The following FCHSD2 variants were observed in gnomAD, a reference collection of about 807,000 sequenced individuals.
The protein encoded by FCHSD2 is FCH and double SH3 domains 2.
FCHSD2 carries 38 observed loss-of-function variants against 108.1 expected under a neutral mutation model. The ratio of observed to expected loss-of-function variants is 0.35; its 90% CI spans 0.27 to 0.46. FCHSD2 has a LOEUF of 0.46. Ranked by LOEUF, FCHSD2 falls within the 20% of genes least tolerant of loss-of-function variation. The probability of loss-of-function intolerance (pLI) is 1.00; values close to 1 mark genes in which losing one functional copy is unlikely to be tolerated. For missense variants in FCHSD2, 751 were observed against 897.8 expected, an observed-to-expected ratio of 0.84 and a Z score of 2.09; for synonymous variants, 279 against 314.7, an observed-to-expected ratio of 0.89 and a Z score of 1.20.
In FCHSD2 at chr11:73,044,708, T is replaced by C. The variant is rs544069295; in HGVS notation, c.166-28823A>G. On this transcript the variant is annotated intron_variant, in intron 3 of 19. Transcript: ENST00000409418. ...TTAGGCAAATGCTGGGTAAATACTATATAGAAAACAGTGCACATAGTACAT... is the reference window on the plus strand; with the variant it reads ...TTAGGCAAATGCTGGGTAAATACTACATAGAAAACAGTGCACATAGTACAT... Among the ~76,000 whole-genome samples the C allele has an allele frequency of 2.6e-5, 4 of 152,272 alleles. No individual in the cohort carries two copies. The East Asian group carries it at 5.8e-4, about 22-fold the overall frequency.
intron 8 of FCHSD2, among the ~76,000 whole-genome samples, chr11:72,956,934 A>G (rs925167463): frequency 2.0e-5 from 3 of 152,040 alleles, no homozygotes; most frequent in African/African-American, 7.2e-5. Context: ...TGTGATACAT[A>G]GAGAAGACAC....
Position 72,989,018 on chromosome 11 carries a change from A to T in FCHSD2, c.467T>A (p.Phe156Tyr). 6.2e-7 allele frequency: 1 copy of T among 1,612,096 alleles called. No individual in the cohort carries two copies. The highest frequency in any genetic ancestry group is 8.5e-7 in the Non-Finnish European group (1 of 1,178,870). The change falls in exon 6 of 20, where the codon TTT becomes TAT. Residue 156 changes from phenylalanine (F) to tyrosine (Y), a missense_variant. By Grantham distance (22) the Phe-to-Tyr change is conservative. Transcript: ENST00000409418. ...TGCATGAGCCATCTGTTCAGTCTCA[A>T]AGTATTTCTTTTTGCCTTTAGCTAA... The part of the protein sequence containing the change: ...KDLAKGKKKY[F>Y]ETEQMAHAVR...
intron 8 of FCHSD2, among the ~76,000 whole-genome samples, chr11:72,981,974 C>T (rs1040403278): frequency 1.3e-5 from 2 of 152,086 alleles, no homozygotes; most frequent in Admixed American, 1.3e-4. Flanking sequence ...AGAGCGAGAC[C>T]CTGTCTCAAA....
At chr11:72,861,780 A>C (rs1448869981) in intron 13 of FCHSD2, among the ~76,000 whole-genome samples, 2 of 152,050 alleles carry the variant, frequency 1.3e-5, no homozygotes, top group Non-Finnish European at 2.9e-5. Flanking sequence ...AAAAATATAA[A>C]ATTAGCCAGG....
At chr11:73,033,821 G>C (rs1858423851) in intron 3 of FCHSD2, among the ~76,000 whole-genome samples, 1 of 152,076 alleles carries the variant, frequency 6.6e-6, no homozygotes, top group Non-Finnish European at 1.5e-5. Flanking sequence ...AGGTTAAGTA[G>C]GTTTTTTCCC....
intron 4 of FCHSD2, among the ~76,000 whole-genome samples, chr11:73,003,074 A>G (rs949256464): frequency 6.6e-6 from 1 of 152,226 alleles, no homozygotes; most frequent in Non-Finnish European, 1.5e-5. Context: ...TTAAAAAGAT[A>G]GTTTAAAAAG....
intron 3 of FCHSD2, among the ~76,000 whole-genome samples, chr11:73,025,023 C>T (rs371394729): frequency 4.6e-5 from 7 of 152,108 alleles, no homozygotes; most frequent in South Asian, 2.1e-4. Context: ...AGAAAAAGAA[C>T]GCTTATACAC....
At chr11:73,024,795 G>GA (rs1187796071) in intron 3 of FCHSD2, among the ~76,000 whole-genome samples, 1 of 151,572 alleles carries the variant, frequency 6.6e-6, no homozygotes, top group African/African-American at 2.4e-5. Flanking sequence ...AGTTTACAGG[G>GA]AAAAAAACAA....
At chr11:73,062,655 T>C (rs187708399) in intron 3 of FCHSD2, among the ~76,000 whole-genome samples, 7 of 152,088 alleles carry the variant, frequency 4.6e-5, no homozygotes, top group South Asian at 2.1e-4. Context: ...ACCGTTTCAA[T>C]AGCCAAATCG....
intron 8 of FCHSD2, among the ~76,000 whole-genome samples, chr11:72,959,853 GGTGTGTGTGTGTGTGT>G: frequency 6.9e-6 from 1 of 145,896 alleles, no homozygotes; most frequent in African/African-American, 2.5e-5. Context: ...AAGTTTCTAG[GGTGTGTGTGTGTGTGT>G]GTGTGTGTGT....
chr11:73,120,198 T>C (rs929664561), intron 2 of FCHSD2, among the ~76,000 whole-genome samples: 3 of 152,064 alleles, frequency 2.0e-5, no homozygotes, highest in African/African-American at 7.2e-5. Flanking sequence ...AGGATGAGAT[T>C]TGGGTGGGGA....
At chr11:73,100,764 C>A (rs754794385) in intron 2 of FCHSD2, among the ~76,000 whole-genome samples, 1 of 152,012 alleles carries the variant, frequency 6.6e-6, no homozygotes, top group Non-Finnish European at 1.5e-5. Context: ...TGTTGAAATT[C>A]GAATCTATTG....
chr11:73,054,629 G>A (rs1858979892), intron 3 of FCHSD2, among the ~76,000 whole-genome samples: 1 of 151,278 alleles, frequency 6.6e-6, no homozygotes, highest in Non-Finnish European at 1.5e-5. Flanking sequence ...TGGAGGTGGG[G>A]GAAACAAACA....
chr11:72,980,465 T>C (rs1035332312), intron 8 of FCHSD2, among the ~76,000 whole-genome samples: 7 of 152,090 alleles, frequency 4.6e-5, no homozygotes, highest in Non-Finnish European at 1.0e-4. Context: ...AGTTAGAGTA[T>C]TATTTAAATA....
chr11:72,870,229 T>C (rs983436151), intron 12 of FCHSD2, among the ~76,000 whole-genome samples: 1 of 152,198 alleles, frequency 6.6e-6, no homozygotes, highest in Admixed American at 6.5e-5. Flanking sequence ...CCTTTTTCTC[T>C]GCTCCTAAAG....
At chr11:72,885,878 T>C (rs1197722379) in intron 12 of FCHSD2, among the ~76,000 whole-genome samples, 1 of 152,178 alleles carries the variant, frequency 6.6e-6, no homozygotes, top group African/African-American at 2.4e-5. Flanking sequence ...CTCCTCACTA[T>C]GGTGGCTGTC....
rs1018275033 is a variant in FCHSD2 at position 73,009,390 on chromosome 11, G to A, written c.242+6419C>T. Among the ~76,000 whole-genome samples the A allele has an allele frequency of 4.6e-5, 7 of 152,030 alleles. No homozygotes were observed. In the South Asian group the frequency reaches 8.3e-4, roughly 18 times the overall value. ...CGTACACCTGTAATCCCAGTTGCTCGGGAGGCTGAGGCATGAGAATCACTT... is the reference window on the plus strand; with the variant it reads ...CGTACACCTGTAATCCCAGTTGCTCAGGAGGCTGAGGCATGAGAATCACTT... On this transcript the variant is annotated intron_variant, in intron 4 of 19. Coordinates refer to ENST00000409418, the MANE Select transcript of FCHSD2 (RefSeq NM_014824.3).
At position 72,922,691 on chromosome 11, in the gene FCHSD2, T is replaced by C. The variant is rs1198761816; in HGVS notation, c.706-741A>G. Among the ~76,000 whole-genome samples, 8 of 152,176 alleles carry C rather than the reference T, an allele frequency of 5.3e-5. No individual in the cohort carries two copies. The East Asian group carries it at 1.2e-3, about 22-fold the overall frequency. On this transcript the variant is annotated intron_variant, in intron 8 of 19. Coordinates refer to ENST00000409418, the MANE Select transcript of FCHSD2 (RefSeq NM_014824.3). ...AAAAACAGAATATACATATGACATA[T>C]ACACTAGCAATAACTATGGAAAAAT...
chr11:72,928,972 G>A (rs1856134482), intron 8 of FCHSD2, among the ~76,000 whole-genome samples: 1 of 151,958 alleles, frequency 6.6e-6, no homozygotes, highest in Admixed American at 6.6e-5. Flanking sequence ...AACATGCGGT[G>A]TTTGGTTTTT....
Sources: allele counts gnomAD v4.1 joint callset (sites outside exome capture counted in the v4.1 genomes callset), GRCh38; gene constraint gnomAD v4.1.1; transcripts MANE v1.5; gene names NCBI Gene and HGNC (gene_info 2026-07-23, HGNC 2026-07-21).